NMNAT1: variants seen among roughly 807,000 people sequenced by gnomAD.
The protein encoded by NMNAT1 is nicotinamide/nicotinic acid mononucleotide adenylyltransferase 1.
NMNAT1 carries 11 observed loss-of-function variants against 16.7 expected under a neutral mutation model. The observed-to-expected ratio is 0.66, with a 90% confidence interval of 0.41 to 1.09. The LOEUF (loss-of-function observed/expected upper bound fraction) is 1.09, where lower values mean the gene tolerates loss of function less well. Ranked by LOEUF, NMNAT1 falls within the 50% of genes least tolerant of loss-of-function variation. The pLI is 0.00. For missense variants in NMNAT1, 280 were observed against 332.3 expected, an observed-to-expected ratio of 0.84 and a Z score of 1.22; for synonymous variants, 110 against 119.8, an observed-to-expected ratio of 0.92 and a Z score of 0.53.
downstream of NMNAT1, among the ~76,000 whole-genome samples, chr1:9,986,928 G>A (rs547015239): frequency 3.0e-4 from 45 of 152,202 alleles, no homozygotes; most frequent in Non-Finnish European, 5.3e-4. Flanking sequence ...TGGGCACAGT[G>A]GCTCACACCT....
chr1:9,977,720 G>T (rs931672172), intron 3 of NMNAT1, among the ~76,000 whole-genome samples: 1 of 151,816 alleles, frequency 6.6e-6, no homozygotes, highest in Non-Finnish European at 1.5e-5. Context: ...TACAAAATTA[G>T]CTGGGCCCAT....
At chr1:9,974,840 A>G (rs1044863150) in intron 2 of NMNAT1, among the ~76,000 whole-genome samples, 6 of 152,136 alleles carry the variant, frequency 3.9e-5, no homozygotes, top group African/African-American at 1.4e-4. Flanking sequence ...TTTTTGTTAC[A>G]TAAATGATCA....
At chr1:9,990,328 C>T (rs1490292007), downstream of NMNAT1, among the ~76,000 whole-genome samples, 1 of 152,112 alleles carries the variant, frequency 6.6e-6, no homozygotes, top group Non-Finnish European at 1.5e-5. Flanking sequence ...AAATCTAGTG[C>T]CCTTGAGTTA....
chr1:9,965,191 C>G (rs774603355), intron 1 of NMNAT1, among the ~76,000 whole-genome samples: 93 of 149,672 alleles, frequency 6.2e-4, no homozygotes, highest in Admixed American at 2.0e-3. Flanking sequence ...GTGGCGTGGG[C>G]CTGTAGTCCC....
intron 1 of NMNAT1, chr1:9,955,873 T>C (rs534067486): frequency 6.6e-6 from 1 of 152,240 alleles, no homozygotes; most frequent in South Asian, 2.1e-4. Context: ...ACAGGAGAGA[T>C]TGGCTGCAAT....
At chr1:9,964,929 CAAAA>C (rs775381643) in intron 1 of NMNAT1, among the ~76,000 whole-genome samples, 5 of 33,438 alleles carry the variant, frequency 1.5e-4, no homozygotes, top group Non-Finnish European at 6.6e-5. Flanking sequence ...ACCTGGGCGA[CAAAA>C]AAAAAAAAAA....
intron 1 of NMNAT1, among the ~76,000 whole-genome samples, chr1:9,970,373 C>G (rs1641659504): frequency 6.6e-6 from 1 of 151,540 alleles, no homozygotes; most frequent in African/African-American, 2.4e-5. Context: ...CTGTGATGTT[C>G]TAGATCTATA....
At chr1:9,950,845 T>C (rs991101755) in intron 1 of NMNAT1, among the ~76,000 whole-genome samples, 2 of 152,014 alleles carry the variant, frequency 1.3e-5, no homozygotes, top group Non-Finnish European at 2.9e-5. Context: ...TCCCAGCACT[T>C]TGGGAGGCTG....
At chr1:9,978,520 C>T (rs1298008104) in intron 3 of NMNAT1, among the ~76,000 whole-genome samples, 3 of 152,182 alleles carry the variant, frequency 2.0e-5, no homozygotes, top group Non-Finnish European at 4.4e-5. Context: ...GGATTGGGCA[C>T]TGAGTCAGTA....
At chr1:9,991,622 A>C in the NMNAT1 span, among the ~76,000 whole-genome samples, 1 of 152,204 alleles carries the variant, frequency 6.6e-6, no homozygotes, top group South Asian at 2.1e-4. Flanking sequence ...TTGAGTACTT[A>C]CCAGGCACTG....
intron 3 of NMNAT1, among the ~76,000 whole-genome samples, chr1:9,979,789 G>A (rs1207790012): frequency 6.8e-6 from 1 of 146,872 alleles, no homozygotes; most frequent in Non-Finnish European, 1.5e-5. Context: ...GCGACAGAGT[G>A]AGACTCCATC....
intron 3 of NMNAT1, among the ~76,000 whole-genome samples, chr1:9,976,984 G>A (rs1474576533): frequency 6.6e-6 from 1 of 150,818 alleles, no homozygotes; most frequent in Non-Finnish European, 1.5e-5. Context: ...TTGGCTCACT[G>A]CAACCTCTGC....
intron 3 of NMNAT1, among the ~76,000 whole-genome samples, chr1:9,977,161 G>A (rs543872513): frequency 6.6e-6 from 1 of 152,310 alleles, no homozygotes; most frequent in East Asian, 1.9e-4. Context: ...CCCATCTCGG[G>A]CCTCCCAAAG....
At chr1:9,946,593 G>A (rs1211045958) in intron 1 of NMNAT1, among the ~76,000 whole-genome samples, 1 of 152,220 alleles carries the variant, frequency 6.6e-6, no homozygotes, top group African/African-American at 2.4e-5. Flanking sequence ...TCTTTTAAAT[G>A]TCTGCCTTAA....
intron 2 of NMNAT1, 126 bp from the exon 3 acceptor site, chr1:9,975,466 G>A (rs538892029): frequency 1.8e-4 from 131 of 721,122 alleles, no homozygotes; most frequent in Non-Finnish European, 2.6e-4. Context: ...ACTCCAGTGC[G>A]GCCTGGGGAA....
chr1:9,973,774 C>T (rs1641743380), intron 2 of NMNAT1, among the ~76,000 whole-genome samples: 1 of 149,888 alleles, frequency 6.7e-6, no homozygotes, highest in South Asian at 2.1e-4. Context: ...CCTGTAATCC[C>T]AGCACTTCGA....
chr1:9,975,720 G>A lies in NMNAT1; in HGVS notation c.244G>A (p.Val82Ile). ...TACCAAGAATTCTAAATGGGTGGAA[G>A]TTGATACATGGGAAAGTCTTCAGAA... is the stretch of plus-strand genomic sequence containing the variant. ...LATKNSKWVEVDTWESLQKEW... is the reference protein window; with the variant it reads ...LATKNSKWVEIDTWESLQKEW... Residue 82 changes from valine to isoleucine, a missense_variant, in exon 3 of 5, where the codon GTT becomes ATT. Physicochemically the swap from Val to Ile is conservative, Grantham distance 29. Transcript: ENST00000377205. 6.2e-7 allele frequency: 1 copy of A among 1,614,148 alleles called. No individual in the cohort carries two copies. Among genetic ancestry groups the A allele is most frequent in the Non-Finnish European group, 8.5e-7 (1 of 1,180,012 alleles).
intron 1 of NMNAT1, among the ~76,000 whole-genome samples, chr1:9,970,949 T>A (rs2101690710): frequency 6.6e-6 from 1 of 152,294 alleles, no homozygotes; most frequent in East Asian, 1.9e-4. Flanking sequence ...TGACATATGA[T>A]AATGAACACT....
chr1:9,974,985 A>G (rs1641773675), intron 2 of NMNAT1, among the ~76,000 whole-genome samples: 1 of 152,188 alleles, frequency 6.6e-6, no homozygotes, highest in Admixed American at 6.6e-5. Context: ...ATTTGGCAAT[A>G]TCAATAGAAA....
Sources: allele counts gnomAD v4.1 joint callset (sites outside exome capture counted in the v4.1 genomes callset), GRCh38; gene constraint gnomAD v4.1.1; transcripts MANE v1.5; gene names NCBI Gene and HGNC (gene_info 2026-07-23, HGNC 2026-07-21).